The following DRGX variants were observed in gnomAD, a reference collection of about 807,000 sequenced individuals.
DRGX encodes the protein dorsal root ganglia homeobox.
Under a neutral mutation model 28.6 loss-of-function variants are expected in DRGX, and 21 were observed. The observed-to-expected ratio is 0.73, with a 90% CI of 0.52 to 1.06. The LOEUF (loss-of-function observed/expected upper bound fraction) is 1.06, where lower values mean the gene tolerates loss of function less well. Among genes scored for constraint, DRGX ranks in the 50% least tolerant of loss-of-function variants. The pLI is 0.00. For missense variants in DRGX, 354 were observed against 343.9 expected (o/e 1.03, Z -0.23); for synonymous variants, 136 against 139.1 (o/e 0.98, Z 0.16).
intron 2 of DRGX, 91 bp from the exon 3 acceptor site, chr10:49,391,352 C>A: frequency 1.0e-6 from 1 of 965,160 alleles, no homozygotes; most frequent in East Asian, 2.6e-5. Flanking sequence ...CCACCTGACC[C>A]ACCAGACAGG....
Position 49,366,162 on chromosome 10 carries a change from T to C in DRGX, c.746A>G (p.Lys249Arg). Residue 249 changes from lysine to arginine, a missense_variant, in exon 7 of 7, where the codon AAG becomes AGG. Transcript: ENST00000374139. ...KPAPPDGSQE[K>R]TSPTKEQSEA... is the part of the protein sequence containing the mutation. ...GCTCTGTTCCTTGGTGGGAGAGGTC[T>C]TTTCCTGGCTGCCATCTGGGGGCGC... 1 of 1,611,198 alleles carries C rather than the reference T, an allele frequency of 6.2e-7. No homozygotes were observed. Among genetic ancestry groups the C allele is most frequent in the Non-Finnish European group, 8.5e-7 (1 of 1,178,388 alleles).
chr10:49,385,162 G>A (rs1303709643), intron 6 of DRGX, among the ~76,000 whole-genome samples: 1 of 152,122 alleles, frequency 6.6e-6, no homozygotes, highest in Non-Finnish European at 1.5e-5. Context: ...GGGGAGTGGG[G>A]GGCTTCTATG....
intron 4 of DRGX, among the ~76,000 whole-genome samples, chr10:49,388,276 G>A (rs1420323396): frequency 6.6e-6 from 1 of 152,112 alleles, no homozygotes. Flanking sequence ...CCTCTCCTGG[G>A]AGATAATTCC....
rs1849593779 is a variant in DRGX at position 49,365,991 on chromosome 10, C to T, written c.*125G>A. The T allele has an allele frequency of 8.1e-7, 1 of 1,238,292 alleles. No individual in the cohort carries two copies. Among genetic ancestry groups the T allele is most frequent in the Non-Finnish European group, 1.1e-6 (1 of 933,780 alleles). 76.7% of individuals were successfully genotyped at this position (1,238,292 alleles called of 1,614,324 possible). On this transcript the variant is annotated 3_prime_UTR_variant, in exon 7 of 7. Transcript: ENST00000374139. ...GAGCTGTGGGTCTCACTTGCCCGTCCTGGGTCCATGCAGAGGCCCTGGGGC... is the reference window on the plus strand; with the variant it reads ...GAGCTGTGGGTCTCACTTGCCCGTCTTGGGTCCATGCAGAGGCCCTGGGGC...
rs560198700 is a variant in DRGX, at chr10:49,385,705, G to C, written c.526+773C>G. On this transcript the variant is annotated intron_variant, in intron 6 of 6. Transcript: ENST00000374139. ...GTGTGTCTCCTACTTCCTATTATCA[G>C]AAAAAAAAGCCTACAGCCTGCACCT... is the stretch of plus-strand genomic sequence containing the variant. Among the ~76,000 whole-genome samples the C allele has an allele frequency of 2.6e-5, 4 of 151,624 alleles. No homozygotes were observed. The South Asian group carries it at 8.4e-4, about 32-fold the overall frequency.
In DRGX at chr10:49,365,913, G is replaced by A. The variant is rs1849592913; in HGVS notation, c.*203C>T. The A allele has an allele frequency of 8.2e-6, 4 of 487,486 alleles. No individual in the cohort carries two copies. In the South Asian group the frequency reaches 2.3e-4, roughly 28 times the overall value. 30.2% of individuals were successfully genotyped at this position (487,486 alleles called of 1,614,324 possible). On this transcript the variant is annotated 3_prime_UTR_variant, in exon 7 of 7. Transcript: ENST00000374139. ...TCGGGATCTGTTGCCAAAGAAGCCAGGACAACACTGCCGCACTGGTGGGAC... is the reference window on the plus strand; with the variant it reads ...TCGGGATCTGTTGCCAAAGAAGCCAAGACAACACTGCCGCACTGGTGGGAC...
At position 49,383,636 on chromosome 10, in the gene DRGX, G is replaced by T. The variant is rs1787877089; in HGVS notation, c.526+2842C>A. 2.6e-5 allele frequency among the ~76,000 whole-genome samples: 4 copies of T among 152,218 alleles called. No individual in the cohort carries two copies. The South Asian group carries it at 8.3e-4, about 31-fold the overall frequency. The stretch of plus-strand genomic sequence containing the variant: ...CAAAATTCATAGATTGAAATCTTGT[G>T]ATGGCGTTCAGAGGCAGGGCCTTTG... On this transcript the variant is annotated intron_variant, in intron 6 of 6. Transcript: ENST00000374139.
chr10:49,395,224 C>T (rs1026227726), intron 2 of DRGX, among the ~76,000 whole-genome samples, 183 bp downstream of exon 2: 2 of 152,022 alleles, frequency 1.3e-5, no homozygotes, highest in East Asian at 3.9e-4. Flanking sequence ...GGCGACGGGG[C>T]GGGGAGCTGG....
chr10:49,380,192 G>C (rs544140543), intron 6 of DRGX, among the ~76,000 whole-genome samples: 2 of 152,186 alleles, frequency 1.3e-5, no homozygotes, highest in Non-Finnish European at 2.9e-5. Context: ...CAGCATGAGC[G>C]TGCAGTGAGT....
chr10:49,383,557 G>A (rs1178632315), intron 6 of DRGX, among the ~76,000 whole-genome samples: 4 of 152,232 alleles, frequency 2.6e-5, no homozygotes, highest in African/African-American at 9.6e-5. Context: ...AAGACTTGGA[G>A]GCAACATTTA....
chr10:49,365,653 G>T lies in DRGX; in HGVS notation c.*463C>A. 1 of 154,552 alleles carries T rather than the reference G, an allele frequency of 6.5e-6. No individual in the cohort carries two copies. Among genetic ancestry groups the T allele is most frequent in the Non-Finnish European group, 1.4e-5 (1 of 69,754 alleles). 9.6% of individuals were successfully genotyped at this position (154,552 alleles called of 1,614,324 possible). A position where few individuals can be genotyped will look rare whatever the true frequency, so the allele number is the denominator to read the frequency against. Reference sequence around the variant, plus strand: ...TGGTCCAGGGGAGCAAGAGTCGCTTGGGGTTCCACCAGTTCCCCAGTTCTT... The same window carrying T: ...TGGTCCAGGGGAGCAAGAGTCGCTTTGGGTTCCACCAGTTCCCCAGTTCTT... On this transcript the variant is annotated 3_prime_UTR_variant, in exon 7 of 7. Transcript: ENST00000374139.
chr10:49,378,803 G>A (rs2132476343), intron 6 of DRGX, among the ~76,000 whole-genome samples: 1 of 152,240 alleles, frequency 6.6e-6, no homozygotes, highest in Non-Finnish European at 1.5e-5. Context: ...TAAACATAGT[G>A]CTGAGCCGAA....
At position 49,365,142 on chromosome 10, in the gene DRGX, T is replaced by A. The variant is rs1849584482; in HGVS notation, c.*974A>T. Reference sequence around the variant, plus strand: ...GTTCCTGTCTCCTTTCCTACTTTTTTTTCCCCAGTAAAAAACCACCACCAC... The same window carrying A: ...GTTCCTGTCTCCTTTCCTACTTTTTATTCCCCAGTAAAAAACCACCACCAC... On this transcript the variant is annotated 3_prime_UTR_variant, in exon 7 of 7. Coordinates refer to ENST00000374139, the MANE Select transcript of DRGX (RefSeq NM_001276451.2). 6.6e-6 allele frequency: 1 copy of A among 152,282 alleles called. No homozygotes were observed. The highest frequency in any genetic ancestry group is 2.4e-5 in the African/African-American group (1 of 41,460). 9.4% of individuals were successfully genotyped at this position (152,282 alleles called of 1,614,324 possible).
At chr10:49,383,772 C>T (rs560851729) in intron 6 of DRGX, among the ~76,000 whole-genome samples, 3 of 152,332 alleles carry the variant, frequency 2.0e-5, no homozygotes, top group Admixed American at 2.0e-4. Flanking sequence ...CAGCAGCCTG[C>T]AGCCCCAGAA....
chr10:49,367,535 GCTTATGGCCCA>G, intron 6 of DRGX, among the ~76,000 whole-genome samples: 1 of 152,196 alleles, frequency 6.6e-6, no homozygotes, highest in Non-Finnish European at 1.5e-5. Context: ...GTTAGATATT[GCTTATGGCCCA>G]CAGGTGTCAT....
intron 6 of DRGX, among the ~76,000 whole-genome samples, chr10:49,373,402 C>T (rs952339724): frequency 1.1e-4 from 17 of 152,158 alleles, no homozygotes; most frequent in East Asian, 3.8e-4. Flanking sequence ...AATATATATG[C>T]GTGTGTATAA....
chr10:49,373,919 A>G (rs1218067409), intron 6 of DRGX, among the ~76,000 whole-genome samples: 3 of 152,192 alleles, frequency 2.0e-5, no homozygotes, highest in South Asian at 2.1e-4. Flanking sequence ...GAAATAGAAA[A>G]ATGTATAAAT....
At chr10:49,387,508 A>G (rs1170895963) in intron 4 of DRGX, among the ~76,000 whole-genome samples, 1 of 152,098 alleles carries the variant, frequency 6.6e-6, no homozygotes, top group African/African-American at 2.4e-5. Context: ...GTAAAAATAC[A>G]AAAAGTTAGA....
chr10:49,380,346 C>G (rs1437451745), intron 6 of DRGX, among the ~76,000 whole-genome samples: 2 of 152,230 alleles, frequency 1.3e-5, no homozygotes, highest in East Asian at 3.8e-4. Flanking sequence ...GCCATTCCTG[C>G]CCTGCCTGTG....
Sources: allele counts gnomAD v4.1 joint callset (sites outside exome capture counted in the v4.1 genomes callset), GRCh38; gene constraint gnomAD v4.1.1; transcripts MANE v1.5; gene names NCBI Gene and HGNC (gene_info 2026-07-23, HGNC 2026-07-21).